Variants in NR6A1 observed in about 807,000 individuals in gnomAD.
The protein encoded by NR6A1 is retinoic acid receptor-related testis-associated receptor.
NR6A1 carries 7 observed loss-of-function variants against 59.1 expected under a neutral mutation model. The observed-to-expected ratio is 0.12, with a 90% CI of 0.07 to 0.22. The LOEUF is 0.22. NR6A1 is among the 10% of genes least tolerant of loss of function. The pLI is 1.00. For synonymous variants in NR6A1, 243 were observed against 236.1 expected (o/e 1.03, Z -0.27); for missense variants, 468 against 611.6 (o/e 0.77, Z 2.48).
chr9:124,583,230 A>C lies in NR6A1; in HGVS notation c.143-28660T>G, dbSNP rs151222144. Among the ~76,000 whole-genome samples, 798 of 150,530 alleles carry C rather than the reference A, an allele frequency of 5.3e-3. 7 individuals carry two copies. Among genetic ancestry groups the C allele is most frequent in the African/African-American group, 0.018 (749 of 40,886 alleles). On this transcript the variant is annotated intron_variant, in intron 2 of 9. Coordinates refer to ENST00000487099, the MANE Select transcript of NR6A1 (RefSeq NM_033334.4). ...AGTTTGGATAAGATATTCAGACTCT[A>C]TTTTTCCATTCATTAAGAAAATACA...
intron 2 of NR6A1, among the ~76,000 whole-genome samples, chr9:124,587,442 C>T (rs753559862): frequency 9.2e-5 from 14 of 152,176 alleles, no homozygotes; most frequent in Non-Finnish European, 1.3e-4. Context: ...TGTGCCAATG[C>T]TCAAAGCTCA....
chr9:124,750,442 G>C (rs1840463228), intron 1 of NR6A1, among the ~76,000 whole-genome samples: 1 of 152,078 alleles, frequency 6.6e-6, no homozygotes, highest in African/African-American at 2.4e-5. Flanking sequence ...CTTCTCCTTA[G>C]AAATACATAA....
intron 1 of NR6A1, among the ~76,000 whole-genome samples, chr9:124,770,595 C>A (rs1841110661): frequency 7.1e-6 from 1 of 141,484 alleles, no homozygotes; most frequent in African/African-American, 2.7e-5. Flanking sequence ...CCCCCACTGA[C>A]GGACCGCGGT....
chr9:124,729,811 A>AT lies in NR6A1; in HGVS notation c.142+3496dup, dbSNP rs536599510. On this transcript the variant is annotated intron_variant, in intron 2 of 9. Transcript: ENST00000487099. Reference sequence around the variant, plus strand: ...CTGAAATAAAATTTTATTTTGTCTAATTTTTTTTTTTTTTTTTTGAGACGG... The same window carrying AT: ...CTGAAATAAAATTTTATTTTGTCTAATTTTTTTTTTTTTTTTTTTGAGACGG... Among the ~76,000 whole-genome samples, 1,167 of 140,016 alleles carry AT rather than the reference A, an allele frequency of 8.3e-3. 12 individuals carry two copies. Among genetic ancestry groups the AT allele is most frequent in the African/African-American group, 0.018 (690 of 38,376 alleles). 91.9% of individuals were successfully genotyped at this position (140,016 alleles called of 152,430 possible).
chr9:124,538,750 C>G (rs1035658382), intron 5 of NR6A1, among the ~76,000 whole-genome samples: 11 of 152,052 alleles, frequency 7.2e-5, no homozygotes, highest in African/African-American at 2.7e-4. Context: ...TAGCAAGGAA[C>G]CCGGCATGTG....
intron 1 of NR6A1, among the ~76,000 whole-genome samples, chr9:124,759,903 G>A (rs1013633345): frequency 7.2e-5 from 11 of 151,916 alleles, no homozygotes; most frequent in Non-Finnish European, 1.0e-4. Flanking sequence ...AGCTGGGTGC[G>A]ATGGTGGGCA....
intron 2 of NR6A1, among the ~76,000 whole-genome samples, chr9:124,695,515 C>A (rs1295078436): frequency 6.6e-6 from 1 of 152,068 alleles, no homozygotes; most frequent in Non-Finnish European, 1.5e-5. Context: ...GCTGGCCCGC[C>A]ACCACACCCA....
intron 2 of NR6A1, among the ~76,000 whole-genome samples, chr9:124,711,447 G>C (rs1046492302): frequency 6.9e-6 from 1 of 144,830 alleles, no homozygotes; most frequent in Non-Finnish European, 1.5e-5. Flanking sequence ...AAAAAAAAAA[G>C]CCACATCTTA....
chr9:124,534,263 G>C (rs1833188568), intron 7 of NR6A1, among the ~76,000 whole-genome samples: 2 of 152,018 alleles, frequency 1.3e-5, no homozygotes, highest in Non-Finnish European at 1.5e-5. Flanking sequence ...AGTAGAGACA[G>C]GGGTTCTCCA....
intron 2 of NR6A1, among the ~76,000 whole-genome samples, chr9:124,690,311 A>C (rs1425288372): frequency 6.6e-6 from 1 of 152,194 alleles, no homozygotes; most frequent in Non-Finnish European, 1.5e-5. Context: ...GTATATCAAG[A>C]AGTCCCAGGA....
intron 1 of NR6A1, among the ~76,000 whole-genome samples, chr9:124,746,640 T>A (rs1004351046): frequency 2.6e-5 from 4 of 152,014 alleles, no homozygotes; most frequent in African/African-American, 9.7e-5. Flanking sequence ...TTTTAAAAAC[T>A]ATTCAAACCT....
intron 1 of NR6A1, among the ~76,000 whole-genome samples, chr9:124,762,784 T>C (rs923316705): frequency 6.6e-6 from 1 of 152,244 alleles, no homozygotes; most frequent in Non-Finnish European, 1.5e-5. Context: ...ATTTTCAAAA[T>C]GTTGACACAT....
chr9:124,632,012 T>C (rs938745017), intron 2 of NR6A1, among the ~76,000 whole-genome samples: 3 of 152,236 alleles, frequency 2.0e-5, no homozygotes, highest in Non-Finnish European at 4.4e-5. Context: ...ATTTTTTTCT[T>C]ATGGCTGCAT....
chr9:124,616,270 C>A lies in NR6A1; in HGVS notation c.143-61700G>T, dbSNP rs556652259. ...TACAAAAATTAGCCAGGCATGGTGG[C>A]GCATGCCTGTAATCCCAAGCTACTC... is the stretch of plus-strand genomic sequence containing the variant. On this transcript the variant is annotated intron_variant, in intron 2 of 9. Coordinates refer to ENST00000487099, the MANE Select transcript of NR6A1 (RefSeq NM_033334.4). Among the ~76,000 whole-genome samples the A allele has an allele frequency of 6.6e-5, 10 of 151,704 alleles. No individual in the cohort carries two copies. In the South Asian group the frequency reaches 1.9e-3, roughly 28 times the overall value.
At chr9:124,576,785 G>A (rs1834609622) in intron 2 of NR6A1, among the ~76,000 whole-genome samples, 1 of 152,206 alleles carries the variant, frequency 6.6e-6, no homozygotes, top group Non-Finnish European at 1.5e-5. Flanking sequence ...GGGCTCAATG[G>A]CTCATGCCTG....
At chr9:124,739,172 A>C (rs1588843564) in intron 1 of NR6A1, among the ~76,000 whole-genome samples, 1 of 149,238 alleles carries the variant, frequency 6.7e-6, no homozygotes, top group South Asian at 2.1e-4. Context: ...TGGACAACAG[A>C]GCGAGACTCC....
intron 2 of NR6A1, among the ~76,000 whole-genome samples, chr9:124,555,089 C>A (rs998991223): frequency 1.3e-5 from 2 of 152,172 alleles, no homozygotes; most frequent in African/African-American, 4.8e-5. Flanking sequence ...TGAACAGAAG[C>A]CCCTGGTGAA....
At chr9:124,673,966 T>C (rs1837875230) in intron 2 of NR6A1, among the ~76,000 whole-genome samples, 1 of 152,170 alleles carries the variant, frequency 6.6e-6, no homozygotes, top group South Asian at 2.1e-4. Flanking sequence ...ATTAAGATCT[T>C]GGCATCTGTC....
chr9:124,575,983 C>T (rs562298754), intron 2 of NR6A1, among the ~76,000 whole-genome samples: 2 of 152,134 alleles, frequency 1.3e-5, no homozygotes, highest in African/African-American at 4.8e-5. Context: ...TGCCTCCAAG[C>T]GATTCATCTG....
Sources: allele counts gnomAD v4.1 joint callset (sites outside exome capture counted in the v4.1 genomes callset), GRCh38; gene constraint gnomAD v4.1.1; transcripts MANE v1.5; gene names NCBI Gene and HGNC (gene_info 2026-07-23, HGNC 2026-07-21).